The following IL1RN variants were observed in gnomAD, a reference collection of about 807,000 sequenced individuals.
IL1RN encodes interleukin-1 receptor antagonist protein.
A neutral mutation model predicts 13.7 loss-of-function variants in IL1RN; 10 were observed. The ratio of observed to expected loss-of-function variants is 0.73; its 90% CI spans 0.45 to 1.24. The LOEUF is 1.24. Ranked by LOEUF, IL1RN falls within the 50% of genes most tolerant of loss-of-function variation. IL1RN has a pLI of 0.00. For synonymous variants in IL1RN, 102 were observed against 82.7 expected, an observed-to-expected ratio of 1.23 and a Z score of -1.27; for missense variants, 213 against 222.1, an observed-to-expected ratio of 0.96 and a Z score of 0.26.
intron 1 of IL1RN, chr2:113,120,056 T>A (rs1227310743): frequency 5.0e-6 from 8 of 1,611,644 alleles, no homozygotes; most frequent in Non-Finnish European, 6.8e-6. Flanking sequence ...TCCCACCACT[T>A]CCCTTACAGC....
upstream of IL1RN, among the ~76,000 whole-genome samples, chr2:113,114,606 A>C (rs545398311): frequency 6.6e-6 from 1 of 152,230 alleles, no homozygotes; most frequent in South Asian, 2.1e-4. Context: ...AGTTATGATC[A>C]GGTGTCTCAT....
the IL1RN span, among the ~76,000 whole-genome samples, chr2:113,101,293 T>C: frequency 1.3e-5 from 2 of 152,150 alleles, no homozygotes; most frequent in Non-Finnish European, 2.9e-5. Flanking sequence ...GGGGTTTCCT[T>C]CCACCTGTGG....
the IL1RN span, among the ~76,000 whole-genome samples, chr2:113,099,955 C>T: frequency 5.1e-5 from 7 of 138,426 alleles, no homozygotes; most frequent in South Asian, 4.9e-4. Context: ...AGGATGGTCT[C>T]GATCTCCTGA....
intron 1 of IL1RN, among the ~76,000 whole-genome samples, chr2:113,128,248 C>T (rs920520129): frequency 1.4e-4 from 22 of 152,190 alleles, no homozygotes; most frequent in South Asian, 1.0e-3. Context: ...CAGATAATAG[C>T]GTAACAGTAT....
At chr2:113,120,034 T>C in intron 1 of IL1RN, 1 of 1,581,322 alleles carries the variant, frequency 6.3e-7, no homozygotes, top group Non-Finnish European at 8.7e-7. Flanking sequence ...GCTTTCTCTC[T>C]ACACAATGGG....
At chr2:113,118,349 G>A (rs1686650486) in intron 1 of IL1RN, among the ~76,000 whole-genome samples, 1 of 152,222 alleles carries the variant, frequency 6.6e-6, no homozygotes. Flanking sequence ...TAGGGAAATT[G>A]GTGAAATAGC....
upstream of IL1RN, among the ~76,000 whole-genome samples, chr2:113,123,058 G>A (rs935454764): frequency 7.2e-5 from 11 of 152,300 alleles, no homozygotes; most frequent in African/African-American, 2.6e-4. Context: ...CTGGGAGGCG[G>A]AGGTTGCGGT....
chr2:113,122,297 G>A (rs907248815), intron 2 of IL1RN, among the ~76,000 whole-genome samples: 1 of 152,188 alleles, frequency 6.6e-6, no homozygotes, highest in African/African-American at 2.4e-5. Flanking sequence ...TCTGCAAGGG[G>A]GATGAAACTT....
At chr2:113,131,186 C>T (rs1687157707) in intron 3 of IL1RN, 29 bp downstream of exon 3, 3 of 1,448,204 alleles carry the variant, frequency 2.1e-6, no homozygotes, top group Non-Finnish European at 2.9e-6. Context: ...TCTCAAATCA[C>T]CCCAAAACCC....
upstream of IL1RN, among the ~76,000 whole-genome samples, chr2:113,108,547 G>T (rs1375123260): frequency 6.6e-6 from 1 of 152,028 alleles, no homozygotes; most frequent in Admixed American, 6.5e-5. Context: ...AATAATCCAG[G>T]ATAATCTCTT....
At chr2:113,130,010 C>T (rs1358315868) in intron 2 of IL1RN, 4 of 321,780 alleles carry the variant, frequency 1.2e-5, no homozygotes, top group Admixed American at 4.0e-5. Flanking sequence ...CAAACCCTAA[C>T]TCAATCCCAA....
At chr2:113,101,125 G>T in the IL1RN span, among the ~76,000 whole-genome samples, 7 of 152,324 alleles carry the variant, frequency 4.6e-5, no homozygotes, top group African/African-American at 1.4e-4. Flanking sequence ...GTGGAAAGGC[G>T]AAATGTCAGA....
At chr2:113,101,841 C>T in the IL1RN span, among the ~76,000 whole-genome samples, 2 of 152,214 alleles carry the variant, frequency 1.3e-5, no homozygotes, top group East Asian at 3.9e-4. Context: ...GATCTTGGCT[C>T]ACTGCAACCT....
upstream of IL1RN, among the ~76,000 whole-genome samples, chr2:113,107,591 T>C (rs544580150): frequency 2.9e-4 from 42 of 145,760 alleles, no homozygotes; most frequent in African/African-American, 9.9e-4. Context: ...AAAATAGCCA[T>C]GTGTGGTGGT....
chr2:113,122,317 G>A (rs1274851049), intron 2 of IL1RN, among the ~76,000 whole-genome samples: 1 of 152,180 alleles, frequency 6.6e-6, no homozygotes, highest in Admixed American at 6.5e-5. Context: ...TGTGGGGTGA[G>A]CCATTTGGGC....
chr2:113,118,734 T>C (rs1203594304), intron 1 of IL1RN, among the ~76,000 whole-genome samples: 3 of 152,264 alleles, frequency 2.0e-5, no homozygotes, highest in African/African-American at 7.2e-5. Context: ...TTTAAGTTTC[T>C]AATTTAAAAT....
At chr2:113,123,952 T>C (rs954718738), upstream of IL1RN, among the ~76,000 whole-genome samples, 2 of 152,212 alleles carry the variant, frequency 1.3e-5, no homozygotes, top group Non-Finnish European at 2.9e-5. Context: ...TGGACAGCTG[T>C]GCTAAACACT....
chr2:113,104,190 G>A (rs1308022132), upstream of IL1RN, among the ~76,000 whole-genome samples: 1 of 152,178 alleles, frequency 6.6e-6, no homozygotes, highest in Non-Finnish European at 1.5e-5. Context: ...TGCAAAGTGA[G>A]GCAGAGGTAT....
chr2:113,117,987 C>T (rs756621191), exon 1 of IL1RN: 19 of 1,347,044 alleles, frequency 1.4e-5, no homozygotes, highest in Non-Finnish European at 2.0e-5. Context: ...TGGAAGACCT[C>T]AGAAGACCTC....
Sources: allele counts gnomAD v4.1 joint callset (sites outside exome capture counted in the v4.1 genomes callset), GRCh38; gene constraint gnomAD v4.1.1; transcripts MANE v1.5; gene names NCBI Gene and HGNC (gene_info 2026-07-23, HGNC 2026-07-21).